The following DOCK8 variants were observed in gnomAD, a reference collection of about 807,000 sequenced individuals.
DOCK8 encodes the protein dedicator of cytokinesis 8.
In DOCK8, 141 loss-of-function variants were observed where a neutral mutation model predicts 245.6. That is an observed-to-expected ratio of 0.57 (90% CI 0.50 to 0.66). DOCK8 has a LOEUF of 0.66. Ranked by LOEUF, DOCK8 falls within the 30% of genes least tolerant of loss-of-function variation. The probability of loss-of-function intolerance (pLI) is 0.00; values close to 1 mark genes in which losing one functional copy is unlikely to be tolerated. For missense variants in DOCK8, 2,965 were observed against 2,603.4 expected, an observed-to-expected ratio of 1.14 and a Z score of -3.02; for synonymous variants, 1,168 against 970.2, an observed-to-expected ratio of 1.20 and a Z score of -3.79.
chr9:452,312 A>T (rs577681270), intron 46 of DOCK8, among the ~76,000 whole-genome samples, 195 bp downstream of exon 46: 1 of 152,248 alleles, frequency 6.6e-6, no homozygotes, highest in South Asian at 2.1e-4. Flanking sequence ...GGTGATCCTG[A>T]TGCACACTGA....
intron 23 of DOCK8, among the ~76,000 whole-genome samples, chr9:387,360 T>TTGAACAC (rs1305193140): frequency 6.6e-6 from 1 of 151,608 alleles, no homozygotes; most frequent in Non-Finnish European, 1.5e-5. Context: ...GGAGAATCAC[T>TTGAACAC]TGAACACGGG....
chr9:350,820 ACCAGTCAGC>A (rs2052129991), intron 14 of DOCK8, among the ~76,000 whole-genome samples: 1 of 152,120 alleles, frequency 6.6e-6, no homozygotes, highest in Non-Finnish European at 1.5e-5. Context: ...CTGAAGGGGG[ACCAGTCAGC>A]CTGTCAGGCA....
chr9:263,958 G>A (rs902462305), intron 1 of DOCK8, among the ~76,000 whole-genome samples: 1 of 152,168 alleles, frequency 6.6e-6, no homozygotes, highest in East Asian at 1.9e-4. Context: ...GGCATTTATA[G>A]AACTTTATGA....
intron 46 of DOCK8, among the ~76,000 whole-genome samples, chr9:457,306 C>A (rs1277882543): frequency 1.3e-5 from 2 of 152,144 alleles, no homozygotes. Flanking sequence ...AGTTACCTAC[C>A]CTCGGTTTCC....
At chr9:331,061 A>G (rs1216213291) in intron 9 of DOCK8, among the ~76,000 whole-genome samples, 2 of 152,238 alleles carry the variant, frequency 1.3e-5, no homozygotes, top group Non-Finnish European at 2.9e-5. Flanking sequence ...AATTTATTCT[A>G]AAGACCACAT....
At chr9:310,837 A>G (rs10757939) in intron 5 of DOCK8, among the ~76,000 whole-genome samples, 152,006 of 152,366 alleles carry the variant, frequency 1, 75,824 homozygotes, top group Middle Eastern at 1. Flanking sequence ...AAATTCTATG[A>G]TTGTCCCATC....
rs778068356 is a variant in DOCK8, at chr9:451,975, ATATTTTTTTT to A, written c.5962-34_5962-25del. On this transcript the variant is annotated intron_variant, in intron 45 of 47. Transcript: ENST00000432829. ...TGTGTGTATATATATATATATATAT[ATATTTTTTTT>A]TTTTTTTTTTTTTTTTTCCCACCAG... 0.011 allele frequency: 2,404 copies of A among 223,352 alleles called. 11 individuals carry two copies. The highest frequency in any genetic ancestry group is 0.03 in the African/African-American group (579 of 19,404). 13.8% of individuals were successfully genotyped at this position (223,352 alleles called of 1,614,324 possible).
intron 1 of DOCK8, among the ~76,000 whole-genome samples, chr9:238,112 T>C (rs2047300327): frequency 1.3e-5 from 2 of 152,326 alleles, no homozygotes; most frequent in South Asian, 4.1e-4. Flanking sequence ...GAATAATCTG[T>C]ACAATCAGAC....
At chr9:318,134 A>C (rs2050426934) in intron 7 of DOCK8, among the ~76,000 whole-genome samples, 1 of 152,228 alleles carries the variant, frequency 6.6e-6, no homozygotes, top group South Asian at 2.1e-4. Context: ...TGTCTTGTGT[A>C]CCCTCGGAGT....
chr9:381,026 A>G lies in DOCK8; in HGVS notation c.2605+1091A>G, dbSNP rs184737143. 2.8e-3 allele frequency: 423 copies of G among 152,728 alleles called. 2 individuals carry two copies. Among genetic ancestry groups the G allele is most frequent in the South Asian group, 0.022 (106 of 4,848 alleles). 9.5% of individuals were successfully genotyped at this position (152,728 alleles called of 1,614,324 possible). A position where few individuals can be genotyped will look rare whatever the true frequency, so the allele number is the denominator to read the frequency against. ...TGAGGCAGGAGGATCATTTAAGCCC[A>G]GGAGTTGGAGGCTGCAGTGAGCTAT... On this transcript the variant is annotated intron_variant, in intron 21 of 47. Coordinates refer to ENST00000432829, the MANE Select transcript of DOCK8 (RefSeq NM_203447.4).
chr9:355,633 C>T (rs2052401973), intron 14 of DOCK8, among the ~76,000 whole-genome samples: 1 of 152,158 alleles, frequency 6.6e-6, no homozygotes, highest in Non-Finnish European at 1.5e-5. Flanking sequence ...AATAAGCCTG[C>T]AAAATAGGGA....
chr9:372,173 C>T lies in DOCK8; in HGVS notation c.2008-12C>T. The T allele has an allele frequency of 6.2e-7, 1 of 1,605,882 alleles. No individual in the cohort carries two copies. The highest frequency in any genetic ancestry group is 1.1e-5 in the South Asian group (1 of 90,932). On this transcript the variant is annotated splice_polypyrimidine_tract_variant and intron_variant, in intron 17 of 47. Coordinates refer to ENST00000432829, the MANE Select transcript of DOCK8 (RefSeq NM_203447.4). ...ATAAATACCACTTTATTATTTACAT[C>T]ATCTGTTTCAGTGGCTGCCAATTCT...
At chr9:447,410 T>C (rs954591978) in intron 44 of DOCK8, among the ~76,000 whole-genome samples, 3 of 152,198 alleles carry the variant, frequency 2.0e-5, no homozygotes, top group African/African-American at 7.2e-5. Flanking sequence ...TAGTGCTTTG[T>C]CCATGATTTT....
At chr9:353,038 C>G (rs2052252409) in intron 14 of DOCK8, among the ~76,000 whole-genome samples, 1 of 152,164 alleles carries the variant, frequency 6.6e-6, no homozygotes, top group Admixed American at 6.5e-5. Flanking sequence ...TGCTGTGTGT[C>G]AGACACTATG....
chr9:403,917 CATATATATATATGTGT>C (rs1388157370), intron 26 of DOCK8, among the ~76,000 whole-genome samples: 34 of 65,120 alleles, frequency 5.2e-4, no homozygotes, highest in Admixed American at 2.1e-3. Context: ...TATATATATA[CATATATATATATGTGT>C]ATATATATAT....
rs541997001 is a variant in DOCK8, at chr9:379,811, C to T, written c.2481C>T (p.Ile827=). The T allele has an allele frequency of 2.5e-5, 41 of 1,614,102 alleles. No individual in the cohort carries two copies. The highest frequency in any genetic ancestry group is 1.6e-4 in the Middle Eastern group (1 of 6,084). The change falls in exon 21 of 48, where the codon ATC becomes ATT. Residue 827 remains isoleucine, a synonymous_variant. Transcript: ENST00000432829. ...TTGCCTTCGAGTCCGTGGTGGCCAT[C>T]GCCAACAGTCTGCACAACAGCAAGG... ...SQFAFESVVA[I]ANSLHNSKDL...
chr9:399,323 G>C (rs562352694), intron 26 of DOCK8, 64 bp downstream of exon 26: 25 of 1,239,564 alleles, frequency 2.0e-5, no homozygotes, highest in South Asian at 9.7e-5. Flanking sequence ...ATAATGTGAT[G>C]TTCGTTGCCA....
chr9:371,820 A>T lies in DOCK8; in HGVS notation c.2007+254A>T, dbSNP rs540692362. The stretch of plus-strand genomic sequence containing the variant: ...TTTAAAAAGCATTGCAGTGTTCACT[A>T]TTTCCAAATTTAATATCCATGCTTC... On this transcript the variant is annotated intron_variant, in intron 17 of 47. Coordinates refer to ENST00000432829, the MANE Select transcript of DOCK8 (RefSeq NM_203447.4). Among the ~76,000 whole-genome samples, 6 of 152,354 alleles carry T rather than the reference A, an allele frequency of 3.9e-5. No individual in the cohort carries two copies. The South Asian group carries it at 1.2e-3, about 32-fold the overall frequency.
intron 2 of DOCK8, among the ~76,000 whole-genome samples, chr9:279,301 G>A (rs1374723877): frequency 1.3e-5 from 2 of 152,198 alleles, no homozygotes; most frequent in African/African-American, 4.8e-5. Flanking sequence ...TAGTGATGTT[G>A]AGGTGTAATT....
Sources: gnomAD v4.1 joint callset for allele counts (sites outside exome capture counted in the v4.1 genomes callset) on GRCh38, gnomAD v4.1.1 for gene constraint, MANE v1.5 for transcripts, NCBI Gene and HGNC (gene_info 2026-07-23, HGNC 2026-07-21) for gene names.